The following LPP variants were observed in gnomAD, a reference collection of about 807,000 sequenced individuals.
LPP encodes the protein lipoma-preferred partner.
Under a neutral mutation model 60.4 loss-of-function variants are expected in LPP, and 38 were observed. The observed-to-expected ratio is 0.63, with a 90% CI of 0.49 to 0.83. The LOEUF is 0.83. Among genes scored for constraint, LPP ranks in the 40% least tolerant of loss-of-function variants. The pLI, the probability that LPP is intolerant of heterozygous loss-of-function variation, is 0.00. For missense variants in LPP, 902 were observed against 783.6 expected (o/e 1.15, Z -1.80); for synonymous variants, 328 against 290.8 (o/e 1.13, Z -1.30).
At chr3:188,197,795 C>T (rs1012982109) in intron 1 of LPP, among the ~76,000 whole-genome samples, 2 of 152,172 alleles carry the variant, frequency 1.3e-5, no homozygotes, top group Admixed American at 6.5e-5. Flanking sequence ...TCCTGTGATA[C>T]CCAGAAAGCT....
chr3:188,458,061 A>T (rs1798173593), intron 4 of LPP, among the ~76,000 whole-genome samples: 1 of 152,224 alleles, frequency 6.6e-6, no homozygotes, highest in Non-Finnish European at 1.5e-5. Context: ...AGGCAAACTC[A>T]AATATTGTAC....
At chr3:188,546,140 G>A (rs1190524191) in intron 6 of LPP, among the ~76,000 whole-genome samples, 7 of 151,942 alleles carry the variant, frequency 4.6e-5, no homozygotes, top group Admixed American at 3.3e-4. Flanking sequence ...TTTCACCAAC[G>A]AGAAAACCAA....
At chr3:188,335,031 G>C (rs1193768622) in intron 2 of LPP, among the ~76,000 whole-genome samples, 14 of 152,076 alleles carry the variant, frequency 9.2e-5, no homozygotes, top group Admixed American at 9.2e-4. Flanking sequence ...TGGGTTCTCT[G>C]TTCTGTCCCA....
intron 5 of LPP, among the ~76,000 whole-genome samples, chr3:188,509,156 A>G (rs1251427643): frequency 6.6e-6 from 1 of 152,210 alleles, no homozygotes; most frequent in Non-Finnish European, 1.5e-5. Context: ...TTTATTTAAT[A>G]GCTGCAAATT....
At chr3:188,813,368 A>C (rs1009939402) in intron 9 of LPP, among the ~76,000 whole-genome samples, 6 of 152,208 alleles carry the variant, frequency 3.9e-5, no homozygotes, top group African/African-American at 1.2e-4. Flanking sequence ...ATTTTGCATG[A>C]ATGATCTTAT....
chr3:188,592,557 G>GTTTGTTTTTT (rs1260656926), intron 6 of LPP, among the ~76,000 whole-genome samples: 13 of 85,756 alleles, frequency 1.5e-4, no homozygotes, highest in East Asian at 4.8e-4. Context: ...TTTTGTTTTT[G>GTTTGTTTTTT]TTTTTTAAAT....
At chr3:188,318,567 T>C (rs1044512497) in intron 2 of LPP, among the ~76,000 whole-genome samples, 1 of 152,082 alleles carries the variant, frequency 6.6e-6, no homozygotes, top group African/African-American at 2.4e-5. Flanking sequence ...TAATTTCAGC[T>C]TGCCTGTCTA....
chr3:188,311,084 C>T (rs1290597546), intron 2 of LPP, among the ~76,000 whole-genome samples: 1 of 152,088 alleles, frequency 6.6e-6, no homozygotes, highest in African/African-American at 2.4e-5. Context: ...ATATCTTTCT[C>T]ATAGTTATTC....
chr3:188,695,895 G>A (rs749408812), intron 7 of LPP, among the ~76,000 whole-genome samples: 7 of 152,164 alleles, frequency 4.6e-5, no homozygotes, highest in Non-Finnish European at 8.8e-5. Context: ...TATAGAGATG[G>A]CTGTAAATTA....
intron 4 of LPP, among the ~76,000 whole-genome samples, chr3:188,469,304 A>G (rs1370054644): frequency 1.3e-5 from 2 of 149,162 alleles, no homozygotes; most frequent in Non-Finnish European, 3.0e-5. Context: ...AGCTAGGCAG[A>G]CGGAATTGGG....
At position 188,738,698 on chromosome 3, in the gene LPP, C is replaced by T. The variant is rs989922840; in HGVS notation, c.1241-21415C>T. Among the ~76,000 whole-genome samples the T allele has an allele frequency of 5.3e-5, 8 of 152,104 alleles. No individual in the cohort carries two copies. In the South Asian group the frequency reaches 1.7e-3, roughly 32 times the overall value. ...CAACTAAGTGTCCTTTAATTCTTAA[C>T]TTTGAATACTTAATTGGATCCCTGG... On this transcript the variant is annotated intron_variant, in intron 8 of 11. Transcript: ENST00000617246.
intron 6 of LPP, among the ~76,000 whole-genome samples, chr3:188,606,853 C>G (rs965538873): frequency 7.2e-5 from 11 of 151,926 alleles, no homozygotes; most frequent in African/African-American, 2.7e-4. Context: ...TTTGATGACT[C>G]AAGATCAGCA....
At chr3:188,657,258 G>GTGTATATATATATATATATATA (rs1553782707) in intron 7 of LPP, among the ~76,000 whole-genome samples, 920 of 89,728 alleles carry the variant, frequency 0.01, 19 homozygotes, top group East Asian at 0.083. Flanking sequence ...CTGTCAAGGT[G>GTGTATATATATATATATATATA]TATATATATA....
chr3:188,547,614 G>A (rs1827004288), intron 6 of LPP, among the ~76,000 whole-genome samples: 1 of 152,048 alleles, frequency 6.6e-6, no homozygotes, highest in African/African-American at 2.4e-5. Flanking sequence ...TGGCATTTGC[G>A]ATTTAATTGT....
rs953455 is a variant in LPP, at chr3:188,817,066, A to G, written c.1411-49134A>G. On this transcript the variant is annotated intron_variant, in intron 9 of 11. Transcript: ENST00000617246. ...ATTTGCAAATAATTAAGATGGGAAA[A>G]TTTGGCTCCTTGAAAAGGCAGGACT... Among the ~76,000 whole-genome samples, 762 of 152,314 alleles carry G rather than the reference A, an allele frequency of 5.0e-3. 3 individuals carry two copies. Among genetic ancestry groups the G allele is most frequent in the African/African-American group, 0.018 (731 of 41,574 alleles).
intron 2 of LPP, among the ~76,000 whole-genome samples, chr3:188,244,473 C>A (rs944566261): frequency 1.3e-5 from 2 of 152,090 alleles, no homozygotes; most frequent in African/African-American, 4.8e-5. Flanking sequence ...CTTGGAATGC[C>A]CATCTCTAAG....
intron 7 of LPP, among the ~76,000 whole-genome samples, chr3:188,703,803 G>A (rs940238960): frequency 2.6e-5 from 4 of 152,188 alleles, no homozygotes; most frequent in Non-Finnish European, 5.9e-5. Flanking sequence ...TATTGACAAG[G>A]TAAGTACTTT....
chr3:188,338,158 G>A (rs1762155982), intron 2 of LPP, among the ~76,000 whole-genome samples: 1 of 152,186 alleles, frequency 6.6e-6, no homozygotes, highest in Non-Finnish European at 1.5e-5. Flanking sequence ...TGACAGGTGT[G>A]GAAATTAAAA....
intron 2 of LPP, among the ~76,000 whole-genome samples, chr3:188,289,603 T>G (rs1387238241): frequency 6.6e-6 from 1 of 152,202 alleles, no homozygotes; most frequent in Non-Finnish European, 1.5e-5. Flanking sequence ...ATTCAGCTGG[T>G]AAGTGGTAGA....
Sources: gnomAD v4.1 joint callset for allele counts (sites outside exome capture counted in the v4.1 genomes callset) on GRCh38, gnomAD v4.1.1 for gene constraint, MANE v1.5 for transcripts, NCBI Gene and HGNC (gene_info 2026-07-23, HGNC 2026-07-21) for gene names.